The following PSMD14 variants were observed in gnomAD, a reference collection of about 807,000 sequenced individuals.
PSMD14 encodes the protein ubiquitin C-terminal hydrolase PSMD14.
Under a neutral mutation model 41.2 loss-of-function variants are expected in PSMD14, and 7 were observed. That is an observed-to-expected ratio of 0.17 (90% CI 0.10 to 0.32). The LOEUF is 0.32. PSMD14 is among the 10% of genes least tolerant of loss of function. The pLI, the probability that PSMD14 is intolerant of heterozygous loss-of-function variation, is 1.00. For synonymous variants in PSMD14, 114 were observed against 122.3 expected (o/e 0.93, Z 0.45); for missense variants, 139 against 375.6 (o/e 0.37, Z 5.21).
intron 10 of PSMD14, among the ~76,000 whole-genome samples, chr2:161,399,126 T>C (rs1574142248): frequency 6.6e-6 from 1 of 152,236 alleles, no homozygotes; most frequent in Middle Eastern, 3.4e-3. Flanking sequence ...AATGTATAAG[T>C]GTGTATGACC....
intron 8 of PSMD14, among the ~76,000 whole-genome samples, chr2:161,389,886 GTTGT>G (rs1313734497): frequency 4.7e-4 from 7 of 14,932 alleles, no homozygotes; most frequent in Admixed American, 1.8e-3. Context: ...TTTCTTTTTT[GTTGT>G]TTTTTTTTTT....
At chr2:161,386,526 G>A (rs1043956429) in intron 8 of PSMD14, among the ~76,000 whole-genome samples, 3 of 151,408 alleles carry the variant, frequency 2.0e-5, no homozygotes, top group Non-Finnish European at 3.0e-5. Flanking sequence ...TCAAAGTGAA[G>A]TGTTTTGTTT....
chr2:161,312,558 A>G (rs1475605119), intron 1 of PSMD14, among the ~76,000 whole-genome samples: 1 of 152,210 alleles, frequency 6.6e-6, no homozygotes, highest in Non-Finnish European at 1.5e-5. Flanking sequence ...AAGTACTGAT[A>G]CCTTTTTTGT....
chr2:161,341,030 C>G (rs1446489734), intron 3 of PSMD14: 6 of 1,606,652 alleles, frequency 3.7e-6, no homozygotes, highest in East Asian at 2.2e-5. Context: ...CTGGCGCCGC[C>G]GCGGGATCCC....
chr2:161,383,788 A>G (rs1683599706), intron 7 of PSMD14: 1 of 151,644 alleles, frequency 6.6e-6, no homozygotes, highest in African/African-American at 2.4e-5. Flanking sequence ...TTTAAGTTAT[A>G]TACCTATCTT....
At chr2:161,378,764 T>G (rs1233803733) in intron 7 of PSMD14, among the ~76,000 whole-genome samples, 2 of 152,020 alleles carry the variant, frequency 1.3e-5, no homozygotes, top group African/African-American at 2.4e-5. Context: ...TTCATTTAAT[T>G]GATTTAAATT....
intron 9 of PSMD14, among the ~76,000 whole-genome samples, chr2:161,393,898 C>T (rs2105267613): frequency 6.6e-6 from 1 of 151,382 alleles, no homozygotes; most frequent in East Asian, 1.9e-4. Flanking sequence ...AAACATTGAA[C>T]TAAGGTGTTT....
At chr2:161,336,562 A>G (rs899339568) in intron 3 of PSMD14, among the ~76,000 whole-genome samples, 1 of 151,972 alleles carries the variant, frequency 6.6e-6, no homozygotes, top group African/African-American at 2.4e-5. Flanking sequence ...AGTTATATTT[A>G]TTATTTATTT....
At chr2:161,406,205 A>T (rs934862856) in intron 10 of PSMD14, among the ~76,000 whole-genome samples, 1 of 152,162 alleles carries the variant, frequency 6.6e-6, no homozygotes, top group Admixed American at 6.6e-5. Context: ...TCTGTAAGAT[A>T]GGGGATACAT....
At position 161,385,461 on chromosome 2, in the gene PSMD14, C is replaced by T. The variant is rs537518170; in HGVS notation, c.463-3C>T. On this transcript the variant is annotated splice_polypyrimidine_tract_variant and splice_region_variant and intron_variant, in intron 7 of 11. Coordinates refer to ENST00000409682, the MANE Select transcript of PSMD14 (RefSeq NM_005805.6). ...AAATTGACTTGACACCTTGTTTTTA[C>T]AGGTTGTTATTGATGCCTTCAGATT... 2 of 1,578,240 alleles carry T rather than the reference C, an allele frequency of 1.3e-6. No individual in the cohort carries two copies. The highest frequency in any genetic ancestry group is 2.3e-5 in the East Asian group (1 of 44,172).
rs200438128 is a variant in PSMD14, at chr2:161,371,356, G to A, written c.462+34G>A. The A allele has an allele frequency of 3.7e-4, 577 of 1,574,558 alleles. 1 individual carries two copies. Among genetic ancestry groups the A allele is most frequent in the Middle Eastern group, 1.7e-3 (10 of 6,014 alleles). On this transcript the variant is annotated intron_variant, in intron 7 of 11. Transcript: ENST00000409682. ...GATTCTATCTTTATTGCCATCTACTGCCACATTCTGTTTACAGATACATTA... is the reference window on the plus strand; with the variant it reads ...GATTCTATCTTTATTGCCATCTACTACCACATTCTGTTTACAGATACATTA...
intron 3 of PSMD14, among the ~76,000 whole-genome samples, chr2:161,351,004 C>T (rs887325944): frequency 2.0e-5 from 3 of 152,154 alleles, no homozygotes; most frequent in Non-Finnish European, 4.4e-5. Flanking sequence ...GTCCAATCTC[C>T]CTTAGTAAAT....
intron 10 of PSMD14, among the ~76,000 whole-genome samples, chr2:161,396,420 A>G (rs549107088): frequency 1.4e-4 from 21 of 152,152 alleles, no homozygotes; most frequent in Non-Finnish European, 2.4e-4. Flanking sequence ...TGGTGTATAG[A>G]TATACATACA....
At chr2:161,327,946 C>CTCTGTGTGTGTGTG (rs1553503770) in intron 3 of PSMD14, among the ~76,000 whole-genome samples, 1 of 117,116 alleles carries the variant, frequency 8.5e-6, no homozygotes, top group Non-Finnish European at 1.8e-5. Context: ...CTCATGTAAG[C>CTCTGTGTGTGTGTG]TGTGTGTGTG....
chr2:161,389,313 A>G (rs111794669), intron 8 of PSMD14, among the ~76,000 whole-genome samples: 2 of 152,094 alleles, frequency 1.3e-5, no homozygotes, highest in Non-Finnish European at 2.9e-5. Context: ...CTCAAGCTCC[A>G]CTCTCTACGC....
At chr2:161,367,695 C>T in intron 4 of PSMD14, 89 bp from the exon 5 acceptor site, 3 of 1,503,940 alleles carry the variant, frequency 2.0e-6, no homozygotes, top group Non-Finnish European at 2.7e-6. Flanking sequence ...TTTATTTTCA[C>T]TGGAACAAAA....
intron 3 of PSMD14, among the ~76,000 whole-genome samples, chr2:161,365,537 T>A (rs976546555): frequency 6.6e-6 from 1 of 152,058 alleles, no homozygotes; most frequent in Non-Finnish European, 1.5e-5. Context: ...TAAAAAAAAA[T>A]ATTTTCAGGC....
At chr2:161,378,216 A>G (rs1683526503) in intron 7 of PSMD14, among the ~76,000 whole-genome samples, 1 of 151,946 alleles carries the variant, frequency 6.6e-6, no homozygotes, top group African/African-American at 2.4e-5. Context: ...AAGCTGATTA[A>G]TAGATGTTTA....
intron 3 of PSMD14, among the ~76,000 whole-genome samples, chr2:161,334,131 G>A (rs1336172846): frequency 2.6e-5 from 4 of 152,160 alleles, no homozygotes; most frequent in Non-Finnish European, 4.4e-5. Flanking sequence ...TTGGGGGTTC[G>A]AGACCAGCTT....
Sources: gnomAD v4.1 joint callset for allele counts (sites outside exome capture counted in the v4.1 genomes callset) on GRCh38, gnomAD v4.1.1 for gene constraint, MANE v1.5 for transcripts, NCBI Gene and HGNC (gene_info 2026-07-23, HGNC 2026-07-21) for gene names.